The following ARB2A variants were observed in gnomAD, a reference collection of about 807,000 sequenced individuals.
ARB2A encodes the protein cotranscriptional regulator ARB2A.
chr5:93,765,204 GC>G, the ARB2A span, among the ~76,000 whole-genome samples: 5 of 152,130 alleles, frequency 3.3e-5, no homozygotes, highest in Non-Finnish European at 7.4e-5. Context: ...GGGCAATTAG[GC>G]AGGAGAAGGA....
the ARB2A span, chr5:93,784,372 C>T: frequency 6.2e-7 from 1 of 1,606,694 alleles, no homozygotes; most frequent in Admixed American, 1.7e-5. Context: ...CTAAAAAAAA[C>T]CAAGTCTCAC....
At chr5:93,870,992 T>C in the ARB2A span, among the ~76,000 whole-genome samples, 1 of 152,226 alleles carries the variant, frequency 6.6e-6, no homozygotes, top group African/African-American at 2.4e-5. Flanking sequence ...GTAAGACTGA[T>C]AGACAAATTA....
At chr5:93,634,534 T>G in the ARB2A span, among the ~76,000 whole-genome samples, 1 of 152,210 alleles carries the variant, frequency 6.6e-6, no homozygotes, top group African/African-American at 2.4e-5. Context: ...CCATAGCGAC[T>G]AATTGATAAA....
the ARB2A span, among the ~76,000 whole-genome samples, chr5:94,094,405 TA>T: frequency 6.6e-6 from 1 of 152,216 alleles, no homozygotes; most frequent in African/African-American, 2.4e-5. Context: ...GGTCCCATCC[TA>T]TGACCTCATT....
chr5:93,890,563 A>T, the ARB2A span, among the ~76,000 whole-genome samples: 3 of 152,024 alleles, frequency 2.0e-5, no homozygotes, highest in Non-Finnish European at 4.4e-5. Context: ...AAAAAGCTGT[A>T]TGCCCATCTC....
the ARB2A span, among the ~76,000 whole-genome samples, chr5:93,825,551 G>T: frequency 2.0e-5 from 3 of 152,222 alleles, no homozygotes; most frequent in South Asian, 6.2e-4. Context: ...GCTCTGACAG[G>T]TGCTCTTTTC....
chr5:93,962,859 T>C, the ARB2A span, among the ~76,000 whole-genome samples: 2 of 152,112 alleles, frequency 1.3e-5, no homozygotes, highest in East Asian at 1.9e-4. Context: ...ATATTCCAAA[T>C]TTAAAATCAA....
At chr5:93,744,624 T>G in the ARB2A span, among the ~76,000 whole-genome samples, 1 of 152,074 alleles carries the variant, frequency 6.6e-6, no homozygotes, top group Non-Finnish European at 1.5e-5. Context: ...TTAAGGGAAG[T>G]CTTGCCATTT....
the ARB2A span, chr5:93,824,086 G>A: frequency 1.5e-6 from 2 of 1,371,602 alleles, no homozygotes; most frequent in African/African-American, 3.0e-5. Context: ...CCAACAGAAA[G>A]AAAGGAGAGG....
the ARB2A span, among the ~76,000 whole-genome samples, chr5:93,943,352 G>A: frequency 6.6e-6 from 1 of 151,754 alleles, no homozygotes; most frequent in South Asian, 2.1e-4. Flanking sequence ...TACTTTCAAT[G>A]ACTATCAAAA....
chr5:93,888,598 C>A, the ARB2A span, among the ~76,000 whole-genome samples: 1 of 151,720 alleles, frequency 6.6e-6, no homozygotes, highest in South Asian at 2.1e-4. Context: ...TATAGTAGTT[C>A]TAAAACATTT....
the ARB2A span, among the ~76,000 whole-genome samples, chr5:94,111,166 A>C: frequency 7.2e-5 from 11 of 152,182 alleles, no homozygotes; most frequent in Non-Finnish European, 4.4e-5. Context: ...AGAAAAAAAA[A>C]TTAATACAAC....
At chr5:93,757,100 T>C in the ARB2A span, among the ~76,000 whole-genome samples, 12 of 152,238 alleles carry the variant, frequency 7.9e-5, no homozygotes, top group South Asian at 2.5e-3. Context: ...GTCTCAGCGA[T>C]AGAATTGAAC....
chr5:93,695,307 A>T, the ARB2A span, among the ~76,000 whole-genome samples: 6 of 152,266 alleles, frequency 3.9e-5, no homozygotes, highest in African/African-American at 1.4e-4. Flanking sequence ...AAGGGCTAAT[A>T]TCCAGAATCT....
At chr5:94,064,331 G>C in the ARB2A span, among the ~76,000 whole-genome samples, 1 of 152,060 alleles carries the variant, frequency 6.6e-6, no homozygotes, top group African/African-American at 2.4e-5. Flanking sequence ...AATGAGCAAG[G>C]GCTATGTGAT....
At chr5:93,790,697 C>T in the ARB2A span, among the ~76,000 whole-genome samples, 1 of 152,102 alleles carries the variant, frequency 6.6e-6, no homozygotes, top group South Asian at 2.1e-4. Flanking sequence ...CAGTGCCACG[C>T]TGGGGGAAAG....
chr5:94,025,720 T>C, the ARB2A span, among the ~76,000 whole-genome samples: 8 of 152,228 alleles, frequency 5.3e-5, no homozygotes, highest in African/African-American at 1.9e-4. Context: ...AATAACTGAA[T>C]GAATGTTAGT....
chr5:93,783,253 G>A, the ARB2A span, among the ~76,000 whole-genome samples: 1 of 151,878 alleles, frequency 6.6e-6, no homozygotes, highest in East Asian at 1.9e-4. Flanking sequence ...CTTTCTATAT[G>A]GTCATCAAAC....
chr5:93,864,284 C>A, the ARB2A span, among the ~76,000 whole-genome samples: 1 of 151,966 alleles, frequency 6.6e-6, no homozygotes, highest in African/African-American at 2.4e-5. Flanking sequence ...AATGAATATA[C>A]CACAATGAAT....
Sources: gnomAD v4.1 joint callset for allele counts (sites outside exome capture counted in the v4.1 genomes callset) on GRCh38, gnomAD v4.1.1 for gene constraint, MANE v1.5 for transcripts, NCBI Gene and HGNC (gene_info 2026-07-23, HGNC 2026-07-21) for gene names.